Variants in TMEM232 observed in about 807,000 individuals in gnomAD.
The protein encoded by TMEM232 is transmembrane protein 232.
Under a neutral mutation model 78.8 loss-of-function variants are expected in TMEM232, and 80 were observed. That is an observed-to-expected ratio of 1.01 (90% CI 0.85 to 1.22). The LOEUF is 1.22. Among genes scored for constraint, TMEM232 ranks in the 50% most tolerant of loss-of-function variants. The pLI is 0.00. For synonymous variants in TMEM232, 297 were observed against 254.3 expected (o/e 1.17, Z -1.60); for missense variants, 881 against 742.2 (o/e 1.19, Z -2.17).
chr5:110,523,438 T>C (rs1441087645), intron 12 of TMEM232, among the ~76,000 whole-genome samples: 1 of 152,292 alleles, frequency 6.6e-6, no homozygotes, highest in Non-Finnish European at 1.5e-5. Flanking sequence ...CTTAATTTTT[T>C]CTTCTTTTTC....
intron 12 of TMEM232, among the ~76,000 whole-genome samples, chr5:110,483,947 G>A (rs1016966244): frequency 6.6e-6 from 1 of 151,964 alleles, no homozygotes; most frequent in Non-Finnish European, 1.5e-5. Flanking sequence ...AAGAAAGTGT[G>A]GTATATATAC....
At chr5:110,630,271 T>A (rs1349862601) in intron 5 of TMEM232, among the ~76,000 whole-genome samples, 2 of 152,210 alleles carry the variant, frequency 1.3e-5, no homozygotes, top group East Asian at 3.9e-4. Flanking sequence ...AGACACTGCA[T>A]ACTCATTCTC....
intron 1 of TMEM232, among the ~76,000 whole-genome samples, chr5:110,713,022 A>G (rs565618530): frequency 6.6e-6 from 1 of 152,198 alleles, no homozygotes; most frequent in Admixed American, 6.5e-5. Context: ...GTCCATCAAC[A>G]GATGAGTGGA....
intron 12 of TMEM232, among the ~76,000 whole-genome samples, chr5:110,526,759 T>C (rs1246247152): frequency 6.6e-6 from 1 of 151,954 alleles, no homozygotes; most frequent in Non-Finnish European, 1.5e-5. Context: ...TGGTTATTCT[T>C]TGTGGCATTG....
intron 12 of TMEM232, among the ~76,000 whole-genome samples, chr5:110,495,508 G>A (rs1765548686): frequency 6.6e-6 from 1 of 151,812 alleles, no homozygotes; most frequent in Non-Finnish European, 1.5e-5. Context: ...CATACATCTT[G>A]ATTAAATGAA....
At chr5:110,488,672 C>G (rs1188945958) in intron 12 of TMEM232, among the ~76,000 whole-genome samples, 1 of 151,816 alleles carries the variant, frequency 6.6e-6, no homozygotes, top group Non-Finnish European at 1.5e-5. Flanking sequence ...AAAAGTAGAG[C>G]AAGATAAACC....
chr5:110,546,972 G>C (rs1382674831), intron 11 of TMEM232, among the ~76,000 whole-genome samples: 1 of 151,190 alleles, frequency 6.6e-6, no homozygotes, highest in Non-Finnish European at 1.5e-5. Context: ...AAAAGAAAAA[G>C]AGAAAGAGAA....
At chr5:110,610,263 G>GAA in intron 8 of TMEM232, among the ~76,000 whole-genome samples, 1 of 149,400 alleles carries the variant, frequency 6.7e-6, no homozygotes, top group African/African-American at 2.5e-5. Flanking sequence ...AGGGAGGAAG[G>GAA]GAGGAAGGTG....
At chr5:110,660,390 C>A (rs911270296) in intron 2 of TMEM232, among the ~76,000 whole-genome samples, 12 of 151,784 alleles carry the variant, frequency 7.9e-5, no homozygotes, top group African/African-American at 1.5e-4. Flanking sequence ...ACAAACAAAA[C>A]CTGGTATTTT....
At chr5:110,460,694 A>C (rs1361963030) in intron 12 of TMEM232, among the ~76,000 whole-genome samples, 1 of 151,242 alleles carries the variant, frequency 6.6e-6, no homozygotes, top group African/African-American at 2.4e-5. Flanking sequence ...TACAAATTAA[A>C]GTTTTGTGGC....
At chr5:110,560,164 T>C (rs1775579445) in intron 11 of TMEM232, among the ~76,000 whole-genome samples, 1 of 152,166 alleles carries the variant, frequency 6.6e-6, no homozygotes, top group African/African-American at 2.4e-5. Context: ...CAACTAGAAC[T>C]TTCAAACACT....
At chr5:110,413,316 G>T (rs767920067) in intron 2 of TMEM232, among the ~76,000 whole-genome samples, 3 of 152,178 alleles carry the variant, frequency 2.0e-5, no homozygotes, top group Non-Finnish European at 4.4e-5. Flanking sequence ...ACTTACACCA[G>T]TGGTTTTCCA....
chr5:110,697,132 G>C (rs769197131), intron 1 of TMEM232, among the ~76,000 whole-genome samples: 3 of 152,124 alleles, frequency 2.0e-5, no homozygotes, highest in Non-Finnish European at 4.4e-5. Flanking sequence ...AGAGCCCTCA[G>C]AAATAATGCC....
chr5:110,522,006 T>C (rs1272942712), intron 12 of TMEM232, among the ~76,000 whole-genome samples: 1 of 152,176 alleles, frequency 6.6e-6, no homozygotes, highest in Non-Finnish European at 1.5e-5. Context: ...AATGCCATTG[T>C]GATTTTGATT....
At chr5:110,439,378 C>A (rs1758782521) in intron 12 of TMEM232, among the ~76,000 whole-genome samples, 1 of 152,058 alleles carries the variant, frequency 6.6e-6, no homozygotes, top group South Asian at 2.1e-4. Context: ...TATTTTAAAA[C>A]ATTCTAGAGA....
intron 12 of TMEM232, 91 bp from the exon 13 acceptor site, chr5:110,425,007 T>A: frequency 1.1e-6 from 1 of 922,480 alleles, no homozygotes; most frequent in Non-Finnish European, 1.6e-6. Context: ...AATTTATTAT[T>A]AAGCATTTTG....
At chr5:110,737,229 T>C (rs1297330346) in intron 1 of TMEM232, among the ~76,000 whole-genome samples, 2 of 152,174 alleles carry the variant, frequency 1.3e-5, no homozygotes, top group Admixed American at 6.5e-5. Flanking sequence ...TTAATAAATA[T>C]ATTTTTGTTA....
At chr5:110,674,053 A>G (rs1791721464) in intron 1 of TMEM232, among the ~76,000 whole-genome samples, 1 of 151,160 alleles carries the variant, frequency 6.6e-6, no homozygotes, top group African/African-American at 2.4e-5. Context: ...AACACAAACT[A>G]CAAAATATCT....
chr5:110,736,105 C>T (rs1227319787), intron 1 of TMEM232, among the ~76,000 whole-genome samples: 3 of 152,192 alleles, frequency 2.0e-5, no homozygotes, highest in Non-Finnish European at 4.4e-5. Context: ...CTGTTGTTTT[C>T]ATAAAATGCA....
Sources: allele counts gnomAD v4.1 joint callset (sites outside exome capture counted in the v4.1 genomes callset), GRCh38; gene constraint gnomAD v4.1.1; transcripts MANE v1.5; gene names NCBI Gene and HGNC (gene_info 2026-07-23, HGNC 2026-07-21).